LRRC7: variants seen among roughly 807,000 people sequenced by gnomAD.
The protein encoded by LRRC7 is leucine rich repeat containing 7.
Under a neutral mutation model 175.7 loss-of-function variants are expected in LRRC7, and 23 were observed. That is an observed-to-expected ratio of 0.13 (90% CI 0.09 to 0.19). The LOEUF (loss-of-function observed/expected upper bound fraction) is 0.19. Ranked by LOEUF, LRRC7 falls within the 10% of genes least tolerant of loss-of-function variation. The pLI is 1.00. For missense variants in LRRC7, 1,354 were observed against 1,904.7 expected (o/e 0.71, Z 5.38); for synonymous variants, 685 against 680.9 (o/e 1.01, Z -0.09).
At chr1:69,677,373 AATAAAC>A in intron 1 of LRRC7, among the ~76,000 whole-genome samples, 1 of 151,680 alleles carries the variant, frequency 6.6e-6, no homozygotes, top group African/African-American at 2.4e-5. Context: ...ATTCTGGTGT[AATAAAC>A]ATATGAGTGC....
chr1:69,611,011 A>G (rs997675879), intron 1 of LRRC7, among the ~76,000 whole-genome samples: 12 of 152,092 alleles, frequency 7.9e-5, no homozygotes, highest in African/African-American at 2.6e-4. Flanking sequence ...ATAAATATAC[A>G]TAGTATTTGC....
intron 7 of LRRC7, among the ~76,000 whole-genome samples, chr1:69,886,117 T>A (rs1370546395): frequency 6.6e-6 from 1 of 151,846 alleles, no homozygotes; most frequent in Non-Finnish European, 1.5e-5. Flanking sequence ...GAGAGTTCTG[T>A]AGATGTCTAT....
rs1668833070 is a variant in LRRC7 at position 69,742,630 on chromosome 1, AT to A, written c.101-17560del. On this transcript the variant is annotated intron_variant, in intron 2 of 26. Coordinates refer to ENST00000651989, the MANE Select transcript of LRRC7 (RefSeq NM_001370785.2). Reference sequence around the variant, plus strand: ...TGGGATATGAGACATTTATTTAATAATGTTTACTAAATTTTGCAGTAGCATG... The same window carrying A: ...TGGGATATGAGACATTTATTTAATAAGTTTACTAAATTTTGCAGTAGCATG... Among the ~76,000 whole-genome samples the A allele has an allele frequency of 2.6e-5, 4 of 152,062 alleles. No individual in the cohort carries two copies. In the South Asian group the frequency reaches 8.3e-4, roughly 32 times the overall value.
chr1:70,036,148 A>C lies in LRRC7; in HGVS notation c.2023A>C (p.Met675Leu). ...TTCTTTTGTTCATCCAGCTAATGAA[A>C]TGAGGATTGGGGAACTTCACCCTTC... ...EDSFVHPANEMRIGELHPSLA... is the reference protein window; with the variant it reads ...EDSFVHPANELRIGELHPSLA... Residue 675 changes from methionine to leucine, a missense_variant, in exon 19 of 27, where the codon ATG becomes CTG. Transcript: ENST00000651989. 6.2e-7 allele frequency: 1 copy of C among 1,612,824 alleles called. No individual in the cohort carries two copies. The highest frequency in any genetic ancestry group is 8.5e-7 in the Non-Finnish European group (1 of 1,179,364).
intron 1 of LRRC7, among the ~76,000 whole-genome samples, chr1:69,653,550 G>A (rs1656177787): frequency 6.6e-6 from 1 of 151,870 alleles, no homozygotes; most frequent in Non-Finnish European, 1.5e-5. Context: ...TTGCATTGTT[G>A]GTAGGAATGT....
intron 24 of LRRC7, among the ~76,000 whole-genome samples, chr1:70,086,495 T>C (rs1405679830): frequency 6.6e-6 from 1 of 152,138 alleles, no homozygotes; most frequent in African/African-American, 2.4e-5. Context: ...AAAAGAAAAC[T>C]GAGTCTGGCG....
At chr1:69,872,667 A>C (rs1171718773) in intron 7 of LRRC7, among the ~76,000 whole-genome samples, 2 of 152,124 alleles carry the variant, frequency 1.3e-5, no homozygotes, top group East Asian at 3.8e-4. Context: ...GATCCAAATT[A>C]CACATATTTT....
intron 2 of LRRC7, among the ~76,000 whole-genome samples, chr1:69,755,343 C>A (rs940252041): frequency 6.9e-6 from 1 of 145,784 alleles, no homozygotes; most frequent in African/African-American, 2.5e-5. Flanking sequence ...TATATATATA[C>A]ACACACATAT....
In LRRC7 at chr1:70,144,254, A is replaced by G. The variant is rs1049482484; in HGVS notation, c.*22367A>G. On this transcript the variant is annotated 3_prime_UTR_variant, in exon 27 of 27. Coordinates refer to ENST00000651989, the MANE Select transcript of LRRC7 (RefSeq NM_001370785.2). ...AATAATGCTGTGCAGTGTATAGCAG[A>G]GCCATTTTTCGGCTTTGGTGTACTC... is the stretch of plus-strand genomic sequence containing the variant. 1 of 152,222 alleles carries G rather than the reference A, an allele frequency of 6.6e-6. No individual in the cohort carries two copies. Among genetic ancestry groups the G allele is most frequent in the African/African-American group, 2.4e-5 (1 of 41,456 alleles). 9.4% of individuals were successfully genotyped at this position (152,222 alleles called of 1,614,324 possible). A position where few individuals can be genotyped will look rare whatever the true frequency, so the allele number is the denominator to read the frequency against.
intron 2 of LRRC7, among the ~76,000 whole-genome samples, chr1:69,742,371 A>G (rs1668807810): frequency 6.6e-6 from 1 of 152,030 alleles, no homozygotes; most frequent in Non-Finnish European, 1.5e-5. Context: ...ACTAAGTAAC[A>G]TAGAATATTC....
At chr1:69,805,839 C>T (rs1014038346) in intron 4 of LRRC7, among the ~76,000 whole-genome samples, 3 of 151,896 alleles carry the variant, frequency 2.0e-5, no homozygotes, top group African/African-American at 7.2e-5. Flanking sequence ...TTCACTAGCA[C>T]TTATTCCATG....
At chr1:69,741,847 C>T (rs978109730) in intron 2 of LRRC7, among the ~76,000 whole-genome samples, 4 of 151,960 alleles carry the variant, frequency 2.6e-5, no homozygotes, top group African/African-American at 9.7e-5. Context: ...TCCCAACCTT[C>T]TTCAAACTAT....
intron 7 of LRRC7, among the ~76,000 whole-genome samples, chr1:69,906,682 G>C (rs1240015948): frequency 6.6e-6 from 1 of 152,128 alleles, no homozygotes; most frequent in Non-Finnish European, 1.5e-5. Context: ...ATAGTTTGAA[G>C]TCAGGTAGCG....
chr1:69,602,694 C>T (rs1647127267), intron 1 of LRRC7, among the ~76,000 whole-genome samples: 1 of 152,142 alleles, frequency 6.6e-6, no homozygotes, highest in Admixed American at 6.5e-5. Context: ...CTCCGAGAAT[C>T]AATCTGTTCC....
intron 2 of LRRC7, among the ~76,000 whole-genome samples, chr1:69,715,957 A>C (rs1665302559): frequency 6.6e-6 from 1 of 151,936 alleles, no homozygotes; most frequent in Non-Finnish European, 1.5e-5. Context: ...TTATATACCC[A>C]CAGCTCTAAT....
intron 8 of LRRC7, among the ~76,000 whole-genome samples, chr1:69,969,739 A>G (rs546774694): frequency 1.3e-4 from 20 of 152,314 alleles, no homozygotes; most frequent in Non-Finnish European, 1.6e-4. Context: ...GAAAGTCAAC[A>G]AAGAAACAAT....
intron 11 of LRRC7, among the ~76,000 whole-genome samples, chr1:70,004,288 T>C (rs1393048620): frequency 6.6e-6 from 1 of 152,170 alleles, no homozygotes. Context: ...GACTAAAGTT[T>C]GCAAATTTCC....
At chr1:69,813,316 AG>A (rs1269433353) in intron 4 of LRRC7, among the ~76,000 whole-genome samples, 4 of 152,148 alleles carry the variant, frequency 2.6e-5, no homozygotes, top group Non-Finnish European at 5.9e-5. Flanking sequence ...TAGTGCTGAA[AG>A]GAACTAGCAA....
At chr1:69,764,534 C>T (rs1671389388) in intron 3 of LRRC7, among the ~76,000 whole-genome samples, 1 of 151,896 alleles carries the variant, frequency 6.6e-6, no homozygotes, top group African/African-American at 2.4e-5. Flanking sequence ...AGTTTACAAC[C>T]CACTCCAAAA....
Sources: gnomAD v4.1 joint callset for allele counts (sites outside exome capture counted in the v4.1 genomes callset) on GRCh38, gnomAD v4.1.1 for gene constraint, MANE v1.5 for transcripts, NCBI Gene and HGNC (gene_info 2026-07-23, HGNC 2026-07-21) for gene names.